MEI1: variants seen among roughly 807,000 people sequenced by gnomAD.
MEI1 encodes the protein meiosis inhibitor protein 1.
In MEI1, 103 loss-of-function variants were observed where a neutral mutation model predicts 146.2. The observed-to-expected ratio is 0.70, with a 90% confidence interval of 0.60 to 0.83. MEI1 has a LOEUF of 0.83. MEI1 is among the 40% of genes least tolerant of loss of function. The pLI, the probability that MEI1 is intolerant of heterozygous loss-of-function variation, is 0.00. For synonymous variants in MEI1, 652 were observed against 628.2 expected, an observed-to-expected ratio of 1.04 and a Z score of -0.57; for missense variants, 1,529 against 1,533.0, an observed-to-expected ratio of 1.00 and a Z score of 0.04.
chr22:41,778,903 A>G, intron 22 of MEI1, 91 bp downstream of exon 22: 1 of 913,298 alleles, frequency 1.1e-6, no homozygotes. Flanking sequence ...TCTTTCTTCT[A>G]CTCTTTCATC....
At chr22:41,705,333 G>A (rs145210732) in intron 2 of MEI1, among the ~76,000 whole-genome samples, 171 bp from the exon 3 acceptor site, 1,783 of 151,870 alleles carry the variant, frequency 0.012, 39 homozygotes, top group African/African-American at 0.041. Flanking sequence ...CACTACTCCC[G>A]GCTAATTTTT....
At position 41,699,649 on chromosome 22, in the gene MEI1, G is replaced by T. The variant is rs752081900; in HGVS notation, c.111G>T (p.Leu37=). ...AHYRHDPRWL[L]PVTPRLCLAC... is the part of the protein sequence containing the mutation. ...ACCGGCACGACCCGCGCTGGCTGCT[G>T]CCCGTGACCCCCCGCCTGTGCCTGG... is the stretch of plus-strand genomic sequence containing the variant. Residue 37 remains leucine, a synonymous_variant, in exon 1 of 31, where the codon CTG becomes CTT. Transcript: ENST00000401548. 6.3e-7 allele frequency: 1 copy of T among 1,594,962 alleles called. No individual in the cohort carries two copies. Among genetic ancestry groups the T allele is most frequent in the South Asian group, 1.1e-5 (1 of 89,226 alleles).
At chr22:41,735,762 TA>T (rs1204186619) in intron 11 of MEI1, among the ~76,000 whole-genome samples, 2 of 152,214 alleles carry the variant, frequency 1.3e-5, no homozygotes, top group Non-Finnish European at 2.9e-5. Context: ...CCATCACCTT[TA>T]ATCAGAAGCT....
At chr22:41,756,580 TCTC>T (rs1373816303) in intron 17 of MEI1, among the ~76,000 whole-genome samples, 1 of 152,076 alleles carries the variant, frequency 6.6e-6, no homozygotes, top group Non-Finnish European at 1.5e-5. Context: ...TTCAAGCAAT[TCTC>T]CTGCGTCAGC....
At chr22:41,755,273 C>T (rs1159216079) in intron 17 of MEI1, among the ~76,000 whole-genome samples, 2 of 152,166 alleles carry the variant, frequency 1.3e-5, no homozygotes, top group African/African-American at 4.8e-5. Flanking sequence ...CTAGTTCTGG[C>T]TCTTTTCCCC....
intron 1 of MEI1, among the ~76,000 whole-genome samples, chr22:41,701,257 CTA>C (rs1216114041): frequency 6.6e-6 from 1 of 151,802 alleles, no homozygotes; most frequent in Non-Finnish European, 1.5e-5. Context: ...GGATTTTTAT[CTA>C]TTTCTGCATT....
rs553284855 is a variant in MEI1 at position 41,794,379 on chromosome 22, G to C, written c.3436G>C (p.Val1146Leu). Residue 1146 changes from valine (V) to leucine (L), a missense_variant, in exon 28 of 31, where the codon GTG becomes CTG. By Grantham distance (32) the Val-to-Leu change is conservative. Transcript: ENST00000401548. Reference sequence around the variant, plus strand: ...CCCAGTGTTTCTTGAAGCTCTCCACGTGGCCTCCCAGCCTTGGAATCGGTT... The same window carrying C: ...CCCAGTGTTTCTTGAAGCTCTCCACCTGGCCTCCCAGCCTTGGAATCGGTT... ...DARSPDIALH[V>L]ASQPWNRFLL... The C allele has an allele frequency of 6.2e-7, 1 of 1,613,848 alleles. No individual in the cohort carries two copies. The highest frequency in any genetic ancestry group is 1.1e-5 in the South Asian group (1 of 91,080).
rs2076322116 is a variant in MEI1 at position 41,795,298 on chromosome 22, G to T, written c.3535-113G>T. The T allele has an allele frequency of 7.0e-7, 1 of 1,427,576 alleles. No individual in the cohort carries two copies. Among genetic ancestry groups the T allele is most frequent in the Non-Finnish European group, 9.6e-7 (1 of 1,042,494 alleles). The allele number at this position is 1,427,576 out of a possible 1,614,324, so 88.4% of individuals were successfully genotyped here. On this transcript the variant is annotated intron_variant, in intron 28 of 30. Transcript: ENST00000401548. This position sits in a 1 kb window ranked among gnomAD's most constrained non-coding sequence, Gnocchi z 4.2. ...CTAACTCTGAGCTCCTTGAAGGCAGGCAGGTTCTGTGGGCTTCAGGACAGT... is the reference window on the plus strand; with the variant it reads ...CTAACTCTGAGCTCCTTGAAGGCAGTCAGGTTCTGTGGGCTTCAGGACAGT...
rs757230294 is a variant in MEI1, at chr22:41,713,989, T to C, written c.350-13T>C. The C allele has an allele frequency of 2.5e-6, 4 of 1,574,186 alleles. No individual in the cohort carries two copies. The highest frequency in any genetic ancestry group is 1.7e-4 in the Middle Eastern group (1 of 5,726). On this transcript the variant is annotated splice_polypyrimidine_tract_variant and intron_variant, in intron 3 of 30. Coordinates refer to ENST00000401548, the MANE Select transcript of MEI1 (RefSeq NM_152513.4). ...GGTGCCTCCTGGTTAGTAATACTGT[T>C]GTGTCTGTTCAGTCCTTATTCAGAT...
intron 17 of MEI1, among the ~76,000 whole-genome samples, chr22:41,757,383 G>A (rs2074167213): frequency 6.6e-6 from 1 of 151,890 alleles, no homozygotes; most frequent in African/African-American, 2.4e-5. Context: ...CTGAGATGGA[G>A]TTTCGCGCTT....
chr22:41,711,758 C>T (rs1012857775), intron 3 of MEI1, among the ~76,000 whole-genome samples: 1 of 152,148 alleles, frequency 6.6e-6, no homozygotes, highest in Non-Finnish European at 1.5e-5. Context: ...TCCTCAAAGC[C>T]ACCAGCAGAA....
At chr22:41,719,911 G>A (rs1449535989) in intron 6 of MEI1, among the ~76,000 whole-genome samples, 1 of 152,154 alleles carries the variant, frequency 6.6e-6, no homozygotes, top group Admixed American at 6.6e-5. Flanking sequence ...GTCTATTGGT[G>A]ACAGCAGCTT....
At chr22:41,730,713 G>GC (rs2071780558) in intron 9 of MEI1, 76 bp downstream of exon 9, 1 of 882,754 alleles carries the variant, frequency 1.1e-6, no homozygotes, top group African/African-American at 2.3e-5. Flanking sequence ...CCGCAGTGAT[G>GC]GGGGGCTAGC....
At chr22:41,702,756 T>C in intron 1 of MEI1, among the ~76,000 whole-genome samples, 1 of 151,940 alleles carries the variant, frequency 6.6e-6, no homozygotes, top group South Asian at 2.1e-4. Context: ...CTGAACACAC[T>C]TTTCTTTTCT....
chr22:41,724,187 T>C, intron 7 of MEI1, 114 bp downstream of exon 7: 1 of 1,318,642 alleles, frequency 7.6e-7, no homozygotes, highest in Non-Finnish European at 1.0e-6. Flanking sequence ...GTTTTCTTAC[T>C]GGGCAAAATA....
chr22:41,722,353 A>G (rs2070929770), intron 6 of MEI1, among the ~76,000 whole-genome samples: 1 of 152,002 alleles, frequency 6.6e-6, no homozygotes, highest in African/African-American at 2.4e-5. Flanking sequence ...GCTGAAGTAC[A>G]GTAGCATGTT....
chr22:41,793,332 G>A (rs371115819), intron 26 of MEI1, among the ~76,000 whole-genome samples: 83 of 149,620 alleles, frequency 5.5e-4, no homozygotes, highest in Non-Finnish European at 8.9e-4. Context: ...ATGGAGTTTC[G>A]CTCTGTCGCT....
intron 19 of MEI1, among the ~76,000 whole-genome samples, chr22:41,769,751 C>T (rs2075064799): frequency 1.3e-5 from 2 of 151,512 alleles, no homozygotes; most frequent in East Asian, 2.0e-4. Flanking sequence ...GGATTACAGG[C>T]ATGAGCCCCC....
intron 20 of MEI1, 153 bp from the exon 21 acceptor site, chr22:41,775,949 C>G (rs1191587261): frequency 2.9e-6 from 2 of 698,140 alleles, no homozygotes; most frequent in African/African-American, 1.8e-5. Flanking sequence ...CTAGAAGAGC[C>G]TTTGGTACAT....
Sources: allele counts gnomAD v4.1 joint callset (sites outside exome capture counted in the v4.1 genomes callset), GRCh38; gene constraint gnomAD v4.1.1; non-coding constraint Gnocchi (gnomAD v3.1); transcripts MANE v1.5; gene names NCBI Gene and HGNC (gene_info 2026-07-23, HGNC 2026-07-21).